Variants in ITGA8 observed in about 807,000 individuals in gnomAD.
The protein encoded by ITGA8 is integrin alpha-8.
Under a neutral mutation model 142.3 loss-of-function variants are expected in ITGA8, and 91 were observed. The ratio of observed to expected loss-of-function variants is 0.64; its 90% confidence interval spans 0.54 to 0.76. The LOEUF (loss-of-function observed/expected upper bound fraction) is 0.76, where lower values mean the gene tolerates loss of function less well. ITGA8 is among the 30% of genes least tolerant of loss of function. ITGA8 has a pLI of 0.00. For missense variants in ITGA8, 1,406 were observed against 1,327.7 expected, an observed-to-expected ratio of 1.06 and a Z score of -0.92; for synonymous variants, 505 against 485.2, an observed-to-expected ratio of 1.04 and a Z score of -0.54.
chr10:15,524,165 T>A (rs1432624653), intron 28 of ITGA8, among the ~76,000 whole-genome samples: 2 of 152,164 alleles, frequency 1.3e-5, no homozygotes, highest in Admixed American at 1.3e-4. Flanking sequence ...GGCCCAATCT[T>A]CTCAATCTAA....
At chr10:15,542,717 A>G (rs1055365021) in intron 27 of ITGA8, among the ~76,000 whole-genome samples, 7 of 152,156 alleles carry the variant, frequency 4.6e-5, no homozygotes, top group Non-Finnish European at 1.0e-4. Flanking sequence ...CCCCCTTACT[A>G]TCTATGTGAC....
chr10:15,668,284 T>C (rs1834436574), intron 8 of ITGA8, among the ~76,000 whole-genome samples: 1 of 152,168 alleles, frequency 6.6e-6, no homozygotes, highest in African/African-American at 2.4e-5. Flanking sequence ...TGGCCTTCTT[T>C]GTCTCTTTTG....
intron 11 of ITGA8, among the ~76,000 whole-genome samples, chr10:15,654,913 A>G (rs935170750): frequency 2.0e-5 from 3 of 152,216 alleles, no homozygotes; most frequent in African/African-American, 7.2e-5. Flanking sequence ...ACTGTAATTT[A>G]CTACTGTAAT....
chr10:15,534,759 C>T (rs7069162), intron 27 of ITGA8, among the ~76,000 whole-genome samples: 30,200 of 152,082 alleles, frequency 0.2, 4,047 homozygotes, highest in African/African-American at 0.38. Flanking sequence ...TGTGCCTGGA[C>T]GTAGCCTGGG....
At chr10:15,688,145 T>C (rs1204345644) in intron 2 of ITGA8, 107 bp from the exon 3 acceptor site, 1 of 746,768 alleles carries the variant, frequency 1.3e-6, no homozygotes, top group Non-Finnish European at 2.3e-6. Flanking sequence ...CCAATCCTTG[T>C]CAAACTCCTC....
intron 1 of ITGA8, among the ~76,000 whole-genome samples, chr10:15,719,213 C>T (rs1253331871): frequency 1.3e-5 from 2 of 152,166 alleles, no homozygotes; most frequent in African/African-American, 4.8e-5. Flanking sequence ...TGCGCCCAGA[C>T]GCAATGGTTA....
At chr10:15,660,538 T>G (rs1030506511) in intron 9 of ITGA8, among the ~76,000 whole-genome samples, 1 of 152,262 alleles carries the variant, frequency 6.6e-6, no homozygotes, top group African/African-American at 2.4e-5. Flanking sequence ...ATGGTTCAAC[T>G]GACAATGGTT....
intron 24 of ITGA8, among the ~76,000 whole-genome samples, chr10:15,575,154 T>C (rs1834260470): frequency 6.6e-6 from 1 of 151,984 alleles, no homozygotes; most frequent in Non-Finnish European, 1.5e-5. Context: ...TGTGAGTGGC[T>C]CAGGTGGGTG....
chr10:15,522,209 C>T (rs1370052975), intron 28 of ITGA8, among the ~76,000 whole-genome samples: 1 of 152,138 alleles, frequency 6.6e-6, no homozygotes, highest in Non-Finnish European at 1.5e-5. Flanking sequence ...ACATGTACTC[C>T]ACAAATTTGT....
intron 8 of ITGA8, among the ~76,000 whole-genome samples, chr10:15,669,851 G>T (rs563226643): frequency 4.6e-5 from 7 of 152,292 alleles, no homozygotes; most frequent in Non-Finnish European, 8.8e-5. Context: ...CGCAGATGCT[G>T]CTGCCTGATC....
chr10:15,523,346 A>G (rs1317183796), intron 28 of ITGA8, among the ~76,000 whole-genome samples: 1 of 152,250 alleles, frequency 6.6e-6, no homozygotes, highest in Non-Finnish European at 1.5e-5. Context: ...ATGAAAAAGT[A>G]TAATGAAAAT....
chr10:15,662,663 A>G (rs1180346353), intron 8 of ITGA8, among the ~76,000 whole-genome samples: 4 of 152,142 alleles, frequency 2.6e-5, no homozygotes, highest in Non-Finnish European at 5.9e-5. Context: ...AATCAATATA[A>G]TCAGGAAAAA....
intron 13 of ITGA8, among the ~76,000 whole-genome samples, chr10:15,639,540 A>G (rs1833833701): frequency 6.6e-6 from 1 of 152,190 alleles, no homozygotes; most frequent in Non-Finnish European, 1.5e-5. Flanking sequence ...TCTACAGCTC[A>G]TTGCATGGTG....
chr10:15,674,902 T>G (rs180993774), intron 6 of ITGA8, among the ~76,000 whole-genome samples: 2 of 151,102 alleles, frequency 1.3e-5, no homozygotes, highest in African/African-American at 4.9e-5. Context: ...ATCACACTAC[T>G]GTACTCCAAC....
chr10:15,656,291 T>C (rs1318305177), intron 10 of ITGA8, among the ~76,000 whole-genome samples: 1 of 152,154 alleles, frequency 6.6e-6, no homozygotes, highest in African/African-American at 2.4e-5. Context: ...ATCGTGCTCA[T>C]AGTCAACAAA....
intron 2 of ITGA8, among the ~76,000 whole-genome samples, chr10:15,712,931 C>A (rs1835388101): frequency 6.6e-6 from 1 of 152,262 alleles, no homozygotes; most frequent in Non-Finnish European, 1.5e-5. Flanking sequence ...CTCACACAGA[C>A]TTCCAGCTTC....
chr10:15,667,724 G>T (rs1438772357), intron 8 of ITGA8, among the ~76,000 whole-genome samples: 3 of 131,858 alleles, frequency 2.3e-5, no homozygotes, highest in African/African-American at 8.1e-5. Flanking sequence ...TTGTGTCTTT[G>T]TTCTCGTTGG....
intron 27 of ITGA8, among the ~76,000 whole-genome samples, chr10:15,539,246 C>G (rs916906148): frequency 6.6e-5 from 10 of 152,064 alleles, no homozygotes; most frequent in African/African-American, 2.4e-4. Flanking sequence ...TTGAATGTCA[C>G]TAAGGGTCTC....
In ITGA8 at chr10:15,548,588, C is replaced by T. The variant is rs763571500; in HGVS notation, c.2767-20G>A. The stretch of plus-strand genomic sequence containing the variant: ...ACAATTCTGCAAACAGCAGTGGGAA[C>T]ACGTCAGAGTCTTTAAATCATGGTA... On this transcript the variant is annotated intron_variant, in intron 26 of 29. Transcript: ENST00000378076. 8.0e-6 allele frequency: 12 copies of T among 1,493,194 alleles called. No homozygotes were observed. The African/African-American group carries it at 1.3e-4, about 16-fold the overall frequency. 92.5% of individuals were successfully genotyped at this position (1,493,194 alleles called of 1,614,324 possible). A position where few individuals can be genotyped will look rare whatever the true frequency, so the allele number is the denominator to read the frequency against.
Sources: gnomAD v4.1 joint callset for allele counts (sites outside exome capture counted in the v4.1 genomes callset) on GRCh38, gnomAD v4.1.1 for gene constraint, MANE v1.5 for transcripts, NCBI Gene and HGNC (gene_info 2026-07-23, HGNC 2026-07-21) for gene names.